LPGAT1: variants seen among roughly 807,000 people sequenced by gnomAD.
The protein encoded by LPGAT1 is acyl-CoA:lysophosphatidylglycerol acyltransferase 1.
Under a neutral mutation model 47.5 loss-of-function variants are expected in LPGAT1, and 11 were observed. The ratio of observed to expected loss-of-function variants is 0.23; its 90% CI spans 0.15 to 0.38. LPGAT1 has a LOEUF of 0.38. LPGAT1 is among the 10% of genes least tolerant of loss of function. The pLI is 1.00. For synonymous variants in LPGAT1, 138 were observed against 144.2 expected (o/e 0.96, Z 0.31); for missense variants, 293 against 439.0 (o/e 0.67, Z 2.97).
intron 6 of LPGAT1, among the ~76,000 whole-genome samples, chr1:211,776,782 A>C (rs968272458): frequency 2.0e-5 from 3 of 151,730 alleles, no homozygotes; most frequent in Non-Finnish European, 4.4e-5. Context: ...ATAGTTTTTC[A>C]AATCTCCCCA....
At chr1:211,817,078 A>G (rs976995029) in intron 2 of LPGAT1, among the ~76,000 whole-genome samples, 1 of 152,236 alleles carries the variant, frequency 6.6e-6, no homozygotes, top group Non-Finnish European at 1.5e-5. Flanking sequence ...ATTCCAAATG[A>G]CATCCTAGTT....
Position 211,787,724 on chromosome 1 carries a change from C to T in LPGAT1, c.361G>A (p.Val121Ile), listed in dbSNP as rs769197866. 1 of 1,591,702 alleles carries T rather than the reference C, an allele frequency of 6.3e-7. No homozygotes were observed. The highest frequency in any genetic ancestry group is 8.6e-7 in the Non-Finnish European group (1 of 1,166,236). ...TCCATCAACCACATCATCTGAGCAA[C>T]AACCTAAAATATTTAAAAGCAAGAA... Reference protein sequence around the residue: ...MMCLQDKGLVVAQMMWLMDHI... With the variant: ...MMCLQDKGLVIAQMMWLMDHI... Residue 121 changes from valine to isoleucine, a missense_variant, in exon 4 of 8, where the codon GTT (valine) becomes ATT (isoleucine). Physicochemically the swap from Val to Ile is conservative, Grantham distance 29 (BLOSUM62 3). Transcript: ENST00000366997.
intron 2 of LPGAT1, among the ~76,000 whole-genome samples, chr1:211,797,785 C>T (rs912531653): frequency 3.9e-5 from 6 of 152,156 alleles, no homozygotes; most frequent in African/African-American, 1.2e-4. Flanking sequence ...AATATTCTAA[C>T]ACGCTGCTCT....
chr1:211,809,629 A>G (rs1259889464), intron 2 of LPGAT1, among the ~76,000 whole-genome samples: 2 of 152,096 alleles, frequency 1.3e-5, no homozygotes, highest in African/African-American at 4.8e-5. Flanking sequence ...TGTTCTCATG[A>G]TAGTGAATAA....
chr1:211,820,601 G>A (rs571390366), intron 2 of LPGAT1, among the ~76,000 whole-genome samples: 2 of 149,638 alleles, frequency 1.3e-5, no homozygotes, highest in South Asian at 4.2e-4. Context: ...ACTGATAGGA[G>A]AACAAAGAAG....
intron 2 of LPGAT1, among the ~76,000 whole-genome samples, chr1:211,824,156 G>A (rs926442196): frequency 6.6e-6 from 1 of 152,028 alleles, no homozygotes; most frequent in Non-Finnish European, 1.5e-5. Context: ...CCAGCACTGT[G>A]GGAGCCAAGG....
chr1:211,759,543 G>C (rs1017523953), intron 6 of LPGAT1, among the ~76,000 whole-genome samples: 1 of 151,722 alleles, frequency 6.6e-6, no homozygotes, highest in African/African-American at 2.4e-5. Flanking sequence ...CATTTTTCCC[G>C]CTTTCTACTG....
intron 6 of LPGAT1, among the ~76,000 whole-genome samples, 172 bp from the exon 7 acceptor site, chr1:211,751,239 A>G (rs890939198): frequency 1.3e-5 from 2 of 152,242 alleles, no homozygotes; most frequent in African/African-American, 4.8e-5. Context: ...ATTGTTGATT[A>G]CACAAGAGAG....
chr1:211,806,758 A>AT (rs1659778853), intron 2 of LPGAT1, among the ~76,000 whole-genome samples: 1 of 152,252 alleles, frequency 6.6e-6, no homozygotes, highest in Non-Finnish European at 1.5e-5. Flanking sequence ...TCCATTCATC[A>AT]TAAAAACTCT....
intron 3 of LPGAT1, among the ~76,000 whole-genome samples, chr1:211,789,526 A>G (rs1045953426): frequency 1.3e-5 from 2 of 152,238 alleles, no homozygotes; most frequent in South Asian, 4.1e-4. Flanking sequence ...TGACAGAAAT[A>G]AAAATTCTTA....
chr1:211,815,328 G>A (rs1660133454), intron 2 of LPGAT1, among the ~76,000 whole-genome samples: 1 of 151,928 alleles, frequency 6.6e-6, no homozygotes, highest in Admixed American at 6.6e-5. Flanking sequence ...AAACCTCAGG[G>A]GCATCCCTGT....
At chr1:211,761,195 G>T (rs963327972) in intron 6 of LPGAT1, among the ~76,000 whole-genome samples, 2 of 152,124 alleles carry the variant, frequency 1.3e-5, no homozygotes, top group Admixed American at 6.5e-5. Flanking sequence ...CCAAGGGAAA[G>T]GATTATCTAG....
rs1406529516 is a variant in LPGAT1 at position 211,830,698 on chromosome 1, C to CCCGCG, written c.-158_-154dup. ...CTGCCCCGCTCCGGCTGTGGCGCGG[C>CCCGCG]CCGCGCCCGTTCCCCGGCGGCGCCG... On this transcript the variant is annotated 5_prime_UTR_variant, in exon 1 of 8. Transcript: ENST00000366997. The surrounding 1 kb of genome is among the most constrained non-coding windows in gnomAD (Gnocchi z 5.9). The CCCGCG allele has an allele frequency of 8.4e-7, 1 of 1,189,854 alleles. No homozygotes were observed. Among genetic ancestry groups the CCCGCG allele is most frequent in the African/African-American group, 1.6e-5 (1 of 62,612 alleles). 73.7% of individuals were successfully genotyped at this position (1,189,854 alleles called of 1,614,324 possible).
At chr1:211,790,007 T>C (rs537673675) in intron 3 of LPGAT1, among the ~76,000 whole-genome samples, 10 of 152,320 alleles carry the variant, frequency 6.6e-5, no homozygotes, top group South Asian at 6.2e-4. Flanking sequence ...CCTCAGAACT[T>C]TTCCATTATT....
intron 1 of LPGAT1, chr1:211,829,934 T>C (rs1248625378): frequency 2.0e-6 from 2 of 980,072 alleles, no homozygotes; most frequent in Non-Finnish European, 1.2e-6. Context: ...AGGAAGAAAG[T>C]AGGGGGTTAT....
intron 6 of LPGAT1, 36 bp from the exon 7 acceptor site, chr1:211,751,103 T>C (rs776288904): frequency 2.3e-5 from 31 of 1,360,294 alleles, no homozygotes; most frequent in Non-Finnish European, 3.1e-5. Context: ...AAAAACTATT[T>C]AGTTCAGAAG....
Position 211,830,532 on chromosome 1 carries a change from G to A in LPGAT1, c.-28+41C>T. 2.9e-6 allele frequency: 3 copies of A among 1,034,376 alleles called. No individual in the cohort carries two copies. The highest frequency in any genetic ancestry group is 5.4e-5 in the Admixed American group (1 of 18,390). 64.1% of individuals were successfully genotyped at this position (1,034,376 alleles called of 1,614,324 possible). On this transcript the variant is annotated intron_variant, in intron 1 of 7. Transcript: ENST00000366997. This position sits in a 1 kb window ranked among gnomAD's most constrained non-coding sequence, Gnocchi z 5.9. Reference sequence around the variant, plus strand: ...CCAGCGCCTCCCCTGGCCCGGCTCCGCTGCCGCTCTGGGGCCTGCGACCGC... The same window carrying A: ...CCAGCGCCTCCCCTGGCCCGGCTCCACTGCCGCTCTGGGGCCTGCGACCGC...
At chr1:211,814,567 A>G (rs1571761448) in intron 2 of LPGAT1, among the ~76,000 whole-genome samples, 1 of 152,326 alleles carries the variant, frequency 6.6e-6, no homozygotes, top group East Asian at 1.9e-4. Context: ...GCATTCTTTC[A>G]TTCAATCCTC....
At position 211,761,530 on chromosome 1, in the gene LPGAT1, G is replaced by A. The variant is rs141668614; in HGVS notation, c.855-10463C>T. On this transcript the variant is annotated intron_variant, in intron 6 of 7. Coordinates refer to ENST00000366997, the MANE Select transcript of LPGAT1 (RefSeq NM_014873.3). ...CATTTCCTCAGAGCTACTGGCTGAG[G>A]ATGAAACCAACACAGAGGAAAGCAG... Among the ~76,000 whole-genome samples the A allele has an allele frequency of 3.3e-5, 5 of 152,344 alleles. No homozygotes were observed. The East Asian group carries it at 9.6e-4, about 29-fold the overall frequency.
Sources: allele counts gnomAD v4.1 joint callset (sites outside exome capture counted in the v4.1 genomes callset), GRCh38; gene constraint gnomAD v4.1.1; non-coding constraint Gnocchi (gnomAD v3.1); transcripts MANE v1.5; gene names NCBI Gene and HGNC (gene_info 2026-07-23, HGNC 2026-07-21).